The following GRID2 variants were observed in gnomAD, a reference collection of about 807,000 sequenced individuals.
The protein encoded by GRID2 is glutamate receptor ionotropic, delta-2.
GRID2 carries 33 observed loss-of-function variants against 114.8 expected under a neutral mutation model. The observed-to-expected ratio is 0.29, with a 90% CI of 0.22 to 0.38. GRID2 has a LOEUF of 0.38. Ranked by LOEUF, GRID2 falls within the 10% of genes least tolerant of loss-of-function variation. GRID2 has a pLI of 1.00. For synonymous variants in GRID2, 505 were observed against 449.9 expected, an observed-to-expected ratio of 1.12 and a Z score of -1.55; for missense variants, 1,184 against 1,257.7, an observed-to-expected ratio of 0.94 and a Z score of 0.89.
At chr4:92,858,792 T>A (rs1372512957) in intron 2 of GRID2, among the ~76,000 whole-genome samples, 1 of 152,032 alleles carries the variant, frequency 6.6e-6, no homozygotes, top group Non-Finnish European at 1.5e-5. Flanking sequence ...CTCCTGATCT[T>A]GTAATCCGCC....
intron 1 of GRID2, among the ~76,000 whole-genome samples, chr4:93,785,769 G>C (rs1432676553): frequency 6.6e-6 from 1 of 152,138 alleles, no homozygotes; most frequent in Admixed American, 6.5e-5. Flanking sequence ...AAGAGAGGCA[G>C]ACCAGTCAGA....
At chr4:93,122,835 C>T (rs1196783228) in intron 4 of GRID2, among the ~76,000 whole-genome samples, 1 of 140,450 alleles carries the variant, frequency 7.1e-6, no homozygotes, top group Non-Finnish European at 1.5e-5. Context: ...TTAACTTTAG[C>T]TTTATAAGCT....
intron 2 of GRID2, among the ~76,000 whole-genome samples, chr4:92,881,324 C>G (rs1033757714): frequency 6.6e-6 from 1 of 152,168 alleles, no homozygotes; most frequent in Non-Finnish European, 1.5e-5. Flanking sequence ...GGCTTCTTTT[C>G]TTTCATGATG....
In GRID2 at chr4:92,638,270, A is replaced by G. The variant is rs1199034731; in HGVS notation, c.244+47984A>G. ...AAATTTGACCATGCTAACTCAGTGT[A>G]GAAGAGCCAGAGAACAAACTCTGTA... On this transcript the variant is annotated intron_variant, in intron 2 of 15. Transcript: ENST00000282020. Among the ~76,000 whole-genome samples, 6 of 151,632 alleles carry G rather than the reference A, an allele frequency of 4.0e-5. No individual in the cohort carries two copies. The Admixed American group carries it at 4.0e-4, about 10-fold the overall frequency.
At chr4:92,727,547 T>C (rs1373294847) in intron 2 of GRID2, among the ~76,000 whole-genome samples, 2 of 152,146 alleles carry the variant, frequency 1.3e-5, no homozygotes, top group South Asian at 2.1e-4. Context: ...GTATGTGTTA[T>C]ATACTTATAT....
intron 3 of GRID2, among the ~76,000 whole-genome samples, chr4:93,094,175 T>C (rs1731011252): frequency 6.6e-6 from 1 of 152,034 alleles, no homozygotes; most frequent in South Asian, 2.1e-4. Context: ...TTTATTTGCT[T>C]TCTATTAAGG....
At chr4:93,240,044 G>A (rs10012268) in intron 8 of GRID2, among the ~76,000 whole-genome samples, 95,502 of 151,238 alleles carry the variant, frequency 0.63, 30,381 homozygotes, top group Middle Eastern at 0.77. Flanking sequence ...CCACACCACT[G>A]CAGTTTGTTT....
chr4:92,855,208 A>G (rs2149427900), intron 2 of GRID2, among the ~76,000 whole-genome samples: 1 of 152,142 alleles, frequency 6.6e-6, no homozygotes, highest in East Asian at 1.9e-4. Context: ...TGTAAAGATG[A>G]CTGACTTAAT....
At chr4:93,785,368 G>C (rs1285660315) in intron 1 of GRID2, among the ~76,000 whole-genome samples, 2 of 152,100 alleles carry the variant, frequency 1.3e-5, no homozygotes, top group Non-Finnish European at 2.9e-5. Flanking sequence ...ACTCAGACCA[G>C]GGCTAGGAAA....
intron 2 of GRID2, among the ~76,000 whole-genome samples, chr4:92,815,982 A>T (rs142977196): frequency 4.2e-4 from 63 of 151,336 alleles, no homozygotes; most frequent in Non-Finnish European, 7.1e-4. Flanking sequence ...AACCAAAAAA[A>T]AAACCCCTCA....
At chr4:93,263,607 C>A (rs572167145) in intron 8 of GRID2, among the ~76,000 whole-genome samples, 1 of 152,046 alleles carries the variant, frequency 6.6e-6, no homozygotes, top group South Asian at 2.1e-4. Context: ...AAATAGATGA[C>A]TTGCTTTCAT....
chr4:93,302,613 T>A (rs1397403133), intron 8 of GRID2: 7 of 456,152 alleles, frequency 1.5e-5, no homozygotes, highest in Middle Eastern at 3.3e-4. Flanking sequence ...ATTTGACCAT[T>A]CATATACATT....
intron 13 of GRID2, among the ~76,000 whole-genome samples, chr4:93,600,452 T>C (rs1739559839): frequency 6.6e-6 from 1 of 151,626 alleles, no homozygotes; most frequent in Non-Finnish European, 1.5e-5. Flanking sequence ...AAATTACCAA[T>C]AAACTCAAAA....
chr4:93,280,998 C>A (rs1481661251), intron 8 of GRID2, among the ~76,000 whole-genome samples: 1 of 151,688 alleles, frequency 6.6e-6, no homozygotes, highest in Non-Finnish European at 1.5e-5. Context: ...CAGGTGAAGG[C>A]AGACAGACAA....
chr4:93,591,800 G>GA (rs1560789532), intron 13 of GRID2, among the ~76,000 whole-genome samples: 1 of 152,082 alleles, frequency 6.6e-6, no homozygotes, highest in Non-Finnish European at 1.5e-5. Context: ...TGTATGTGTC[G>GA]AGGAATTTAT....
intron 8 of GRID2, among the ~76,000 whole-genome samples, chr4:93,239,720 A>G (rs1223063278): frequency 6.6e-6 from 1 of 151,662 alleles, no homozygotes; most frequent in Non-Finnish European, 1.5e-5. Flanking sequence ...GAAAATAGCC[A>G]GGATTCTCAA....
chr4:92,683,299 AG>A (rs200932852), intron 2 of GRID2, among the ~76,000 whole-genome samples: 35 of 151,948 alleles, frequency 2.3e-4, no homozygotes, highest in African/African-American at 7.0e-4. Flanking sequence ...ACTCCATATC[AG>A]AAAAAAAAAA....
At chr4:92,806,876 G>T (rs1740440603) in intron 2 of GRID2, among the ~76,000 whole-genome samples, 1 of 151,772 alleles carries the variant, frequency 6.6e-6, no homozygotes, top group Non-Finnish European at 1.5e-5. Context: ...ATAGGCAGAG[G>T]GCAGAGGTGA....
intron 2 of GRID2, among the ~76,000 whole-genome samples, chr4:92,958,715 C>T (rs1752593963): frequency 6.6e-6 from 1 of 151,956 alleles, no homozygotes; most frequent in South Asian, 2.1e-4. Context: ...ACTCTGTTTC[C>T]ACCCTCAGAA....
Sources: gnomAD v4.1 joint callset for allele counts (sites outside exome capture counted in the v4.1 genomes callset) on GRCh38, gnomAD v4.1.1 for gene constraint, MANE v1.5 for transcripts, NCBI Gene and HGNC (gene_info 2026-07-23, HGNC 2026-07-21) for gene names.